Variants in MBP observed in about 807,000 individuals in gnomAD.
MBP encodes the protein Golli-MBP.
A neutral mutation model predicts 35.8 loss-of-function variants in MBP; 16 were observed. The ratio of observed to expected loss-of-function variants is 0.45; its 90% CI spans 0.30 to 0.68. The LOEUF is 0.68. MBP is among the 30% of genes least tolerant of loss of function. The pLI, the probability that MBP is intolerant of heterozygous loss-of-function variation, is 0.08. For missense variants in MBP, 380 were observed against 404.7 expected, an observed-to-expected ratio of 0.94 and a Z score of 0.52; for synonymous variants, 143 against 159.6, an observed-to-expected ratio of 0.90 and a Z score of 0.78.
intron 3 of MBP, among the ~76,000 whole-genome samples, chr18:77,048,291 A>G (rs1467979616): frequency 1.3e-5 from 2 of 152,228 alleles, no homozygotes; most frequent in Non-Finnish European, 2.9e-5. Context: ...GGTAGAAGGA[A>G]AGCTGGGCCA....
intron 4 of MBP, 75 bp from the exon 5 acceptor site, chr18:76,990,135 T>A: frequency 1.1e-6 from 1 of 907,002 alleles, no homozygotes; most frequent in Non-Finnish European, 1.7e-6. Flanking sequence ...GGAAGCTGGA[T>A]CTCTCCTCCT....
chr18:77,055,577 C>A (rs1026640090), intron 3 of MBP, among the ~76,000 whole-genome samples: 3 of 147,598 alleles, frequency 2.0e-5, no homozygotes, highest in East Asian at 1.9e-4. Flanking sequence ...CCTTTTCTTT[C>A]TCTTTCTTTC....
intron 1 of MBP, among the ~76,000 whole-genome samples, chr18:77,106,580 G>A (rs758478611): frequency 2.6e-5 from 4 of 152,088 alleles, no homozygotes; most frequent in South Asian, 2.1e-4. Context: ...TAAGACTTCC[G>A]GTGAGGGGCT....
chr18:77,106,175 C>T (rs979877363), intron 1 of MBP, among the ~76,000 whole-genome samples: 7 of 152,172 alleles, frequency 4.6e-5, no homozygotes, highest in Non-Finnish European at 1.0e-4. Flanking sequence ...GAACAGCTTT[C>T]CTTGAGAGGG....
At chr18:77,003,769 G>C (rs148760652) in intron 4 of MBP, 159 of 152,260 alleles carry the variant, frequency 1.0e-3, no homozygotes, top group African/African-American at 3.6e-3. Flanking sequence ...GGCTCACAGA[G>C]ATCCTTGACA....
chr18:77,118,619 C>G (rs1397891983), intron 1 of MBP, among the ~76,000 whole-genome samples: 4 of 129,956 alleles, frequency 3.1e-5, no homozygotes, highest in Non-Finnish European at 5.0e-5. Flanking sequence ...ACACCACACA[C>G]ACACACACAC....
chr18:77,073,221 T>A (rs1974518919), intron 2 of MBP, among the ~76,000 whole-genome samples: 1 of 152,168 alleles, frequency 6.6e-6, no homozygotes, highest in Admixed American at 6.5e-5. Context: ...GTATTTTATA[T>A]GTATATATAT....
chr18:77,105,790 C>T (rs1213194877), intron 1 of MBP, among the ~76,000 whole-genome samples: 2 of 152,216 alleles, frequency 1.3e-5, no homozygotes, highest in African/African-American at 4.8e-5. Context: ...CAACATTAGA[C>T]CAAGGACAGC....
chr18:77,131,119 A>C lies in MBP; in HGVS notation c.-26+1461T>G, dbSNP rs1162430664. Reference sequence around the variant, plus strand: ...CACACACACACACACACACACACACACCCCCTCTGCCGCGGTACCCTTCCC... The same window carrying C: ...CACACACACACACACACACACACACCCCCCCTCTGCCGCGGTACCCTTCCC... On this transcript the variant is annotated intron_variant, in intron 1 of 8. Coordinates refer to ENST00000355994, the MANE Select transcript of MBP (RefSeq NM_001025101.2). This position sits in a 1 kb window ranked among gnomAD's most constrained non-coding sequence, Gnocchi z 5.5. Among the ~76,000 whole-genome samples, 112 of 54,332 alleles carry C rather than the reference A, an allele frequency of 2.1e-3. No individual in the cohort carries two copies. Among genetic ancestry groups the C allele is most frequent in the African/African-American group, 3.8e-3 (93 of 24,344 alleles). The allele number at this position is 54,332 out of a possible 152,430, so 35.6% of individuals were successfully genotyped here.
At chr18:77,046,358 C>T (rs1973257684) in intron 3 of MBP, among the ~76,000 whole-genome samples, 1 of 152,210 alleles carries the variant, frequency 6.6e-6, no homozygotes. Flanking sequence ...CTTTTCTTCC[C>T]ACTTTAAGTA....
In MBP at chr18:77,075,852, ATAC is replaced by A. The variant is rs1469409016; in HGVS notation, c.52-9470_52-9468del. Among the ~76,000 whole-genome samples, 6 of 152,332 alleles carry A rather than the reference ATAC, an allele frequency of 3.9e-5. No homozygotes were observed. In the East Asian group the frequency reaches 1.2e-3, roughly 29 times the overall value. On this transcript the variant is annotated intron_variant, in intron 2 of 8. Coordinates refer to ENST00000355994, the MANE Select transcript of MBP (RefSeq NM_001025101.2). ...AAGAGTGGAAATGAAACTAGGCATT[ATAC>A]TATTAGGCTGCAAATTGTGGGGTGA...
intron 1 of MBP, among the ~76,000 whole-genome samples, chr18:77,112,169 GCACACA>G (rs6146398): frequency 1.3e-5 from 2 of 150,874 alleles, no homozygotes; most frequent in Non-Finnish European, 2.9e-5. Flanking sequence ...CCGTGCACAC[GCACACA>G]CACACACACA....
At chr18:77,129,046 C>T (rs1977153508) in intron 1 of MBP, among the ~76,000 whole-genome samples, 1 of 152,164 alleles carries the variant, frequency 6.6e-6, no homozygotes, top group African/African-American at 2.4e-5. Flanking sequence ...GGGTTAAAGT[C>T]CTTTTCTTAT....
intron 3 of MBP, among the ~76,000 whole-genome samples, chr18:77,031,435 G>T (rs141233365): frequency 6.6e-6 from 1 of 152,252 alleles, no homozygotes; most frequent in Admixed American, 6.5e-5. Flanking sequence ...CCCTACAAGC[G>T]CAGATTTCAG....
At chr18:77,067,901 T>C (rs2144815994) in intron 2 of MBP, 21 of 484,858 alleles carry the variant, frequency 4.3e-5, no homozygotes, top group South Asian at 2.7e-4. Context: ...GACTCACTTA[T>C]GTACTGCAGG....
chr18:77,084,431 CCA>C (rs60010988), intron 2 of MBP, among the ~76,000 whole-genome samples: 4,691 of 105,832 alleles, frequency 0.044, 264 homozygotes, highest in African/African-American at 0.11. Context: ...CCACACCACA[CCA>C]CACACACACA....
chr18:77,106,806 G>A (rs1045285457), intron 1 of MBP, among the ~76,000 whole-genome samples: 4 of 152,148 alleles, frequency 2.6e-5, no homozygotes, highest in Non-Finnish European at 4.4e-5. Flanking sequence ...CTACCTTTGC[G>A]GATGATTTCG....
At chr18:77,000,602 A>C (rs995502829) in intron 4 of MBP, among the ~76,000 whole-genome samples, 1 of 152,260 alleles carries the variant, frequency 6.6e-6, no homozygotes, top group Non-Finnish European at 1.5e-5. Context: ...TATTTTCCTC[A>C]ACCTGCGATG....
intron 3 of MBP, among the ~76,000 whole-genome samples, chr18:77,051,885 C>T (rs988970308): frequency 1.3e-5 from 2 of 152,082 alleles, no homozygotes; most frequent in African/African-American, 4.8e-5. Flanking sequence ...CTTCAAATTA[C>T]ACAATGTTGA....
Sources: gnomAD v4.1 joint callset for allele counts (sites outside exome capture counted in the v4.1 genomes callset) on GRCh38, gnomAD v4.1.1 for gene constraint, Gnocchi (gnomAD v3.1) non-coding constraint, MANE v1.5 for transcripts, NCBI Gene and HGNC (gene_info 2026-07-23, HGNC 2026-07-21) for gene names.